The following DTL variants were observed in gnomAD, a reference collection of about 807,000 sequenced individuals.
DTL encodes denticleless protein homolog.
A neutral mutation model predicts 87.0 loss-of-function variants in DTL; 46 were observed. The ratio of observed to expected loss-of-function variants is 0.53; its 90% CI spans 0.42 to 0.68. The LOEUF is 0.68. DTL is among the 30% of genes least tolerant of loss of function. The pLI, the probability that DTL is intolerant of heterozygous loss-of-function variation, is 0.00. For missense variants in DTL, 737 were observed against 869.4 expected (o/e 0.85, Z 1.91); for synonymous variants, 308 against 311.2 (o/e 0.99, Z 0.11).
At chr1:212,047,629 A>T (rs750677840) in intron 5 of DTL, among the ~76,000 whole-genome samples, 1 of 152,122 alleles carries the variant, frequency 6.6e-6, no homozygotes, top group Non-Finnish European at 1.5e-5. Flanking sequence ...GCTGCCTCCC[A>T]GGTTCAAGTG....
intron 2 of DTL, 44 bp from the exon 3 acceptor site, chr1:212,044,616 A>T: frequency 7.7e-7 from 1 of 1,300,408 alleles, no homozygotes. Flanking sequence ...AAAAAAAAAA[A>T]AATTGTGTTA....
At chr1:212,053,238 A>G (rs1375502544) in intron 5 of DTL, among the ~76,000 whole-genome samples, 1 of 149,432 alleles carries the variant, frequency 6.7e-6, no homozygotes. Flanking sequence ...TTTTTTTTTT[A>G]ATTTCAGATA....
intron 5 of DTL, among the ~76,000 whole-genome samples, chr1:212,059,303 A>T (rs1394879605): frequency 7.2e-6 from 1 of 138,046 alleles, no homozygotes; most frequent in Admixed American, 7.2e-5. Flanking sequence ...ACAGCACATT[A>T]AAAAAAAAAA....
chr1:212,040,062 A>C (rs1362428667), intron 1 of DTL, among the ~76,000 whole-genome samples: 2 of 152,256 alleles, frequency 1.3e-5, no homozygotes, highest in African/African-American at 4.8e-5. Context: ...CAAACATCTT[A>C]AATTTTTTAA....
intron 13 of DTL, among the ~76,000 whole-genome samples, chr1:212,091,518 A>G (rs1655282576): frequency 6.6e-6 from 1 of 152,228 alleles, no homozygotes. Flanking sequence ...CTGCAGCACT[A>G]TTCACGATAG....
intron 13 of DTL, among the ~76,000 whole-genome samples, chr1:212,093,949 C>G (rs148755501): frequency 6.6e-6 from 1 of 152,150 alleles, no homozygotes; most frequent in African/African-American, 2.4e-5. Flanking sequence ...CTCTTCCCTT[C>G]CCAGCACTCC....
chr1:212,086,630 C>T (rs1448659643), intron 13 of DTL, among the ~76,000 whole-genome samples: 1 of 152,188 alleles, frequency 6.6e-6, no homozygotes, highest in Non-Finnish European at 1.5e-5. Flanking sequence ...TCAAGCAATC[C>T]ACCCACCTCA....
intron 2 of DTL, 31 bp from the exon 3 acceptor site, chr1:212,044,629 C>CTT (rs35704923): frequency 0.65 from 846,513 of 1,308,970 alleles, 278,994 homozygotes; most frequent in Non-Finnish European, 0.67. Context: ...TTGTGTTACT[C>CTT]TATATATTTT....
rs1655706040 is a variant in DTL at position 212,104,217 on chromosome 1, C to G, written c.*1277C>G. Reference sequence around the variant, plus strand: ...AGGGAGCCCCCTTCCAGTCATGAAACTTCATTTGTTTTATCCATATCCCTG... The same window carrying G: ...AGGGAGCCCCCTTCCAGTCATGAAAGTTCATTTGTTTTATCCATATCCCTG... On this transcript the variant is annotated 3_prime_UTR_variant, in exon 15 of 15. Transcript: ENST00000366991. The G allele has an allele frequency of 6.6e-6, 1 of 152,244 alleles. No individual in the cohort carries two copies. The allele number at this position is 152,244 out of a possible 1,614,324, so 9.4% of individuals were successfully genotyped here. A position where few individuals can be genotyped will look rare whatever the true frequency, so the allele number is the denominator to read the frequency against.
intron 13 of DTL, among the ~76,000 whole-genome samples, chr1:212,094,729 T>G (rs1245722670): frequency 6.6e-6 from 1 of 152,190 alleles, no homozygotes; most frequent in Non-Finnish European, 1.5e-5. Flanking sequence ...CTACCCATCC[T>G]TGAGCGTAGG....
rs531344190 is a variant in DTL, at chr1:212,075,205, G to C, written c.1036-2968G>C. ...GTGAGGAAAAGTGCTGATATTCTTT[G>C]TATGTTTCAGTACACAAAATAACTT... On this transcript the variant is annotated intron_variant, in intron 11 of 14. Transcript: ENST00000366991. Among the ~76,000 whole-genome samples the C allele has an allele frequency of 8.3e-4, 126 of 152,274 alleles. 1 individual carries two copies. Among genetic ancestry groups the C allele is most frequent in the African/African-American group, 2.9e-3 (121 of 41,558 alleles).
intron 11 of DTL, 88 bp downstream of exon 11, chr1:212,072,301 A>G (rs1048317077): frequency 3.0e-6 from 3 of 992,896 alleles, no homozygotes; most frequent in African/African-American, 3.2e-5. Context: ...GTTTAATGTA[A>G]CCACGTGCTA....
chr1:212,091,254 AT>A (rs1655271667), intron 13 of DTL, among the ~76,000 whole-genome samples: 1 of 152,230 alleles, frequency 6.6e-6, no homozygotes, highest in Non-Finnish European at 1.5e-5. Context: ...ACAATGAGAT[AT>A]CCCCTCACAC....
rs1654375167 is a variant in DTL, at chr1:212,062,890, T to G, written c.467T>G (p.Phe156Cys). Residue 156 changes from phenylalanine (F) to cysteine (C), a missense_variant, in exon 6 of 15, where the codon TTC (phenylalanine) becomes TGC (cysteine). Phe to Cys is a radical substitution (Grantham distance 205). Transcript: ENST00000366991. ...VAFSKFEKAV[F>C]CTGGRDGNIM... Reference sequence around the variant, plus strand: ...TCTGTTTATTTCCCCACAGCTGTATTCTGTACGGGTGGAAGAGATGGCAAC... The same window carrying G: ...TCTGTTTATTTCCCCACAGCTGTATGCTGTACGGGTGGAAGAGATGGCAAC... 1 of 1,613,150 alleles carries G rather than the reference T, an allele frequency of 6.2e-7. No homozygotes were observed. The highest frequency in any genetic ancestry group is 8.5e-7 in the Non-Finnish European group (1 of 1,179,250).
At position 212,058,915 on chromosome 1, in the gene DTL, A is replaced by T. The variant is rs1668256643; in HGVS notation, c.461-3969A>T. 2.6e-5 allele frequency among the ~76,000 whole-genome samples: 4 copies of T among 152,216 alleles called. No individual in the cohort carries two copies. In the South Asian group the frequency reaches 8.3e-4, roughly 32 times the overall value. ...CAGAAACTATTGTGTACAACTATAC[A>T]CTAACTAGAAAACCTAGAGGAAATG... On this transcript the variant is annotated intron_variant, in intron 5 of 14. Coordinates refer to ENST00000366991, the MANE Select transcript of DTL (RefSeq NM_016448.4).
At chr1:212,074,764 AT>A (rs1481182027) in intron 11 of DTL, among the ~76,000 whole-genome samples, 85 of 152,218 alleles carry the variant, frequency 5.6e-4, no homozygotes. Flanking sequence ...AAGTATTAGA[AT>A]TTTTTCTATG....
chr1:212,051,299 C>G (rs192616249), intron 5 of DTL, among the ~76,000 whole-genome samples: 10 of 152,174 alleles, frequency 6.6e-5, no homozygotes, highest in Admixed American at 5.2e-4. Context: ...TTCCTCTCCT[C>G]TGATATCATT....
chr1:212,064,155 CT>C (rs1488846143), intron 6 of DTL, among the ~76,000 whole-genome samples: 2 of 151,988 alleles, frequency 1.3e-5, no homozygotes, highest in Non-Finnish European at 2.9e-5. Context: ...GCCTCCCATT[CT>C]TCTAGCTATT....
rs996897855 is a variant in DTL at position 212,094,023 on chromosome 1, T to G, written c.1262-6229T>G. ...ATAGTCCTTTGTTGGTTGCATAGAT[T>G]GTGAAGACTTTCTCCCACTCTGTGG... On this transcript the variant is annotated intron_variant, in intron 13 of 14. Transcript: ENST00000366991. 2.3e-4 allele frequency among the ~76,000 whole-genome samples: 35 copies of G among 152,274 alleles called. 1 individual carries two copies. Among genetic ancestry groups the G allele is most frequent in the African/African-American group, 8.2e-4 (34 of 41,480 alleles).
Sources: gnomAD v4.1 joint callset for allele counts (sites outside exome capture counted in the v4.1 genomes callset) on GRCh38, gnomAD v4.1.1 for gene constraint, MANE v1.5 for transcripts, NCBI Gene and HGNC (gene_info 2026-07-23, HGNC 2026-07-21) for gene names.